The following FREM1 variants were observed in gnomAD, a reference collection of about 807,000 sequenced individuals.
The protein encoded by FREM1 is FRAS1-related extracellular matrix protein 1.
In FREM1, 220 loss-of-function variants were observed where a neutral mutation model predicts 210.1. The ratio of observed to expected loss-of-function variants is 1.05; its 90% CI spans 0.94 to 1.17. FREM1 has a LOEUF of 1.17. FREM1 is among the 50% of genes most tolerant of loss of function. FREM1 has a pLI of 0.00. For missense variants in FREM1, 3,454 were observed against 2,675.5 expected (o/e 1.29, Z -6.42); for synonymous variants, 1,189 against 980.2 (o/e 1.21, Z -3.98).
intron 28 of FREM1, among the ~76,000 whole-genome samples, chr9:14,759,090 C>G (rs975303359): frequency 6.6e-6 from 1 of 152,168 alleles, no homozygotes; most frequent in Non-Finnish European, 1.5e-5. Context: ...TACAACATCT[C>G]TTTCTAAAGC....
intron 1 of FREM1, among the ~76,000 whole-genome samples, chr9:14,901,996 T>A (rs1838869040): frequency 6.6e-6 from 1 of 151,392 alleles, no homozygotes; most frequent in Non-Finnish European, 1.5e-5. Context: ...ACTACAGGCA[T>A]CTGTCGCCAT....
At chr9:14,898,793 TA>T (rs1046818634) in intron 1 of FREM1, among the ~76,000 whole-genome samples, 1 of 152,146 alleles carries the variant, frequency 6.6e-6, no homozygotes, top group African/African-American at 2.4e-5. Flanking sequence ...AACCCTATTG[TA>T]AAATATATGC....
intron 10 of FREM1, among the ~76,000 whole-genome samples, chr9:14,826,855 G>C (rs1271939598): frequency 2.0e-5 from 3 of 152,176 alleles, no homozygotes; most frequent in Admixed American, 2.0e-4. Flanking sequence ...GCACCATCTT[G>C]AAAGCAGAGA....
Position 14,776,076 on chromosome 9 carries a change from G to C in FREM1, c.4570C>G (p.Leu1524Val). 6.2e-7 allele frequency: 1 copy of C among 1,613,256 alleles called. No individual in the cohort carries two copies. The highest frequency in any genetic ancestry group is 8.5e-7 in the Non-Finnish European group (1 of 1,179,262). ...AGCTGAAGGAGGTCAGGGGAAAGCAGGCCCACGGCCCCTTGGGCCAGTCTC... is the reference window on the plus strand; with the variant it reads ...AGCTGAAGGAGGTCAGGGGAAAGCACGCCCACGGCCCCTTGGGCCAGTCTC... ...GLRLAQGAVGLLSPDLLQLTD... is the reference protein window; with the variant it reads ...GLRLAQGAVGVLSPDLLQLTD... The change falls in exon 25 of 37, where the codon CTG (leucine) becomes GTG (valine). Residue 1524 changes from leucine to valine, a missense_variant. Coordinates refer to ENST00000380880, the MANE Select transcript of FREM1 (RefSeq NM_001379081.2).
rs773785545 is a variant in FREM1, at chr9:14,812,833, C to T, written c.2872G>A (p.Ala958Thr). The T allele has an allele frequency of 1.2e-6, 2 of 1,611,868 alleles. No individual in the cohort carries two copies. The highest frequency in any genetic ancestry group is 1.3e-5 in the African/African-American group (1 of 74,890). ...QFSQRDVISE[A>T]VTYKHTGGEI... ...TTACCTGTGTGTTTGTATGTCACGGCCTCTGAGATAACATCTCTCTGAGAG... is the reference window on the plus strand; with the variant it reads ...TTACCTGTGTGTTTGTATGTCACGGTCTCTGAGATAACATCTCTCTGAGAG... Residue 958 changes from alanine to threonine, a missense_variant, in exon 16 of 37, where the codon GCC becomes ACC. Ala to Thr is a moderately conservative substitution (Grantham distance 58). Transcript: ENST00000380880.
At chr9:14,813,488 G>A (rs568724338) in intron 15 of FREM1, among the ~76,000 whole-genome samples, 3 of 152,180 alleles carry the variant, frequency 2.0e-5, no homozygotes, top group Admixed American at 1.3e-4. Flanking sequence ...AAATTACTTG[G>A]TGATTACAAA....
intron 35 of FREM1, among the ~76,000 whole-genome samples, chr9:14,744,002 T>C (rs919386488): frequency 1.3e-5 from 2 of 152,122 alleles, no homozygotes; most frequent in Admixed American, 6.5e-5. Context: ...GAATGTCTTA[T>C]TTGTTCTTTA....
intron 19 of FREM1, among the ~76,000 whole-genome samples, chr9:14,804,310 G>C (rs1344640653): frequency 1.3e-5 from 2 of 152,206 alleles, no homozygotes; most frequent in African/African-American, 4.8e-5. Context: ...CTTTGGCTGG[G>C]TGCGGTGGCT....
intron 24 of FREM1, among the ~76,000 whole-genome samples, chr9:14,780,208 T>G (rs1416973435): frequency 1.3e-5 from 2 of 152,058 alleles, no homozygotes; most frequent in Non-Finnish European, 2.9e-5. Flanking sequence ...ATTTCCCTTG[T>G]TACATCCCCC....
At chr9:14,857,513 G>T (rs1405819875) in intron 5 of FREM1, 40 bp downstream of exon 5, 3 of 1,530,918 alleles carry the variant, frequency 2.0e-6, no homozygotes, top group Non-Finnish European at 2.7e-6. Flanking sequence ...CTCTCTTACT[G>T]TGAATCCTGG....
intron 13 of FREM1, 55 bp downstream of exon 13, chr9:14,823,105 A>C: frequency 7.2e-7 from 1 of 1,381,264 alleles, no homozygotes; most frequent in Non-Finnish European, 9.9e-7. Flanking sequence ...GTAGGTCTTC[A>C]AGTCTCTCCT....
chr9:14,831,632 C>T (rs1381197327), intron 10 of FREM1, among the ~76,000 whole-genome samples: 1 of 152,184 alleles, frequency 6.6e-6, no homozygotes, highest in Non-Finnish European at 1.5e-5. Flanking sequence ...TGGGTAAATG[C>T]TTTAGCCTGG....
At chr9:14,884,039 A>C (rs1479470469) in intron 1 of FREM1, among the ~76,000 whole-genome samples, 3 of 152,064 alleles carry the variant, frequency 2.0e-5, no homozygotes, top group Non-Finnish European at 4.4e-5. Flanking sequence ...GCCCAGCCTG[A>C]CTAACACGGC....
intron 19 of FREM1, among the ~76,000 whole-genome samples, chr9:14,803,649 G>A (rs1463596528): frequency 1.3e-5 from 2 of 152,038 alleles, no homozygotes; most frequent in South Asian, 2.1e-4. Flanking sequence ...GATTACAGGC[G>A]TGAGCCACCA....
rs373691883 is a variant in FREM1 at position 14,868,964 on chromosome 9, C to A, written c.14G>T (p.Ser5Ile). The A allele has an allele frequency of 1.9e-6, 3 of 1,580,886 alleles. No individual in the cohort carries two copies. The highest frequency in any genetic ancestry group is 2.7e-5 in the African/African-American group (2 of 74,268). MNSL[S>I]WGAANAVLLL... ...CAGCACGGCATTCGCAGCCCCCCAA[C>A]TCAGAGAGTTCATGCTGACAGGGCC... The change falls in exon 2 of 37, where the codon AGT (serine) becomes ATT (isoleucine). Residue 5 changes from serine to isoleucine, a missense_variant. Coordinates refer to ENST00000380880, the MANE Select transcript of FREM1 (RefSeq NM_001379081.2).
intron 19 of FREM1, among the ~76,000 whole-genome samples, chr9:14,802,118 C>A (rs945986356): frequency 6.6e-6 from 1 of 152,066 alleles, no homozygotes; most frequent in Non-Finnish European, 1.5e-5. Flanking sequence ...CCATGAAGGA[C>A]AAAGGACATA....
At chr9:14,745,409 A>G (rs562619360) in intron 35 of FREM1, among the ~76,000 whole-genome samples, 3 of 152,182 alleles carry the variant, frequency 2.0e-5, no homozygotes, top group East Asian at 3.9e-4. Context: ...TCATTTATTT[A>G]TTGACCAACT....
intron 27 of FREM1, among the ~76,000 whole-genome samples, chr9:14,766,226 G>T (rs1194456577): frequency 6.6e-6 from 1 of 152,140 alleles, no homozygotes; most frequent in East Asian, 1.9e-4. Flanking sequence ...TTAGCACAGT[G>T]CCTGAAATGT....
chr9:14,849,438 T>C (rs148967066), intron 6 of FREM1, among the ~76,000 whole-genome samples: 193 of 152,358 alleles, frequency 1.3e-3, no homozygotes, highest in Non-Finnish European at 2.4e-3. Context: ...TGATAAGTTT[T>C]GATCTTTATT....
Sources: gnomAD v4.1 joint callset for allele counts (sites outside exome capture counted in the v4.1 genomes callset) on GRCh38, gnomAD v4.1.1 for gene constraint, MANE v1.5 for transcripts, NCBI Gene and HGNC (gene_info 2026-07-23, HGNC 2026-07-21) for gene names.